ZNF385D: variants seen among roughly 807,000 people sequenced by gnomAD.
The protein encoded by ZNF385D is zinc finger protein 659.
In ZNF385D, 15 loss-of-function variants were observed where a neutral mutation model predicts 35.8. The ratio of observed to expected loss-of-function variants is 0.42; its 90% CI spans 0.28 to 0.64. The LOEUF (loss-of-function observed/expected upper bound fraction) is 0.64. Ranked by LOEUF, ZNF385D falls within the 30% of genes least tolerant of loss-of-function variation. ZNF385D has a pLI of 0.23. For synonymous variants in ZNF385D, 212 were observed against 186.8 expected, an observed-to-expected ratio of 1.13 and a Z score of -1.10; for missense variants, 474 against 494.6, an observed-to-expected ratio of 0.96 and a Z score of 0.39.
chr3:21,993,794 C>T (rs1695296544), intron 3 of ZNF385D, among the ~76,000 whole-genome samples: 1 of 152,048 alleles, frequency 6.6e-6, no homozygotes, highest in African/African-American at 2.4e-5. Context: ...CTGTCAAGAC[C>T]ACATATAGCG....
At chr3:22,272,365 T>G (rs1005279168) in intron 2 of ZNF385D, among the ~76,000 whole-genome samples, 14 of 151,698 alleles carry the variant, frequency 9.2e-5, no homozygotes, top group African/African-American at 3.1e-4. Flanking sequence ...ATTCTAAACT[T>G]AGAATTCTAA....
At chr3:21,745,983 G>C (rs971416163) in intron 1 of ZNF385D, among the ~76,000 whole-genome samples, 11 of 152,066 alleles carry the variant, frequency 7.2e-5, no homozygotes, top group Non-Finnish European at 1.3e-4. Flanking sequence ...AAAAGATCCA[G>C]GAATACATAA....
At chr3:22,017,192 C>G (rs1696946317) in intron 3 of ZNF385D, among the ~76,000 whole-genome samples, 1 of 152,074 alleles carries the variant, frequency 6.6e-6, no homozygotes, top group African/African-American at 2.4e-5. Flanking sequence ...AAACCCATTT[C>G]TCTTCTCTCA....
chr3:21,719,626 T>A (rs2068458033), intron 1 of ZNF385D, among the ~76,000 whole-genome samples: 1 of 152,196 alleles, frequency 6.6e-6, no homozygotes, highest in African/African-American at 2.4e-5. Context: ...ACTGCACTTG[T>A]GCACCCAGAG....
At chr3:21,960,850 C>T (rs937009235) in intron 3 of ZNF385D, among the ~76,000 whole-genome samples, 25 of 152,180 alleles carry the variant, frequency 1.6e-4, no homozygotes, top group African/African-American at 5.8e-4. Flanking sequence ...TGTATGTTCT[C>T]GCTCACATGT....
intron 3 of ZNF385D, among the ~76,000 whole-genome samples, chr3:21,897,510 C>G (rs922054709): frequency 6.6e-6 from 1 of 152,092 alleles, no homozygotes; most frequent in Admixed American, 6.6e-5. Context: ...TTTTCTACTT[C>G]CATTTCTCCT....
chr3:21,424,562 C>T (rs1361939737), intron 6 of ZNF385D, among the ~76,000 whole-genome samples: 1 of 150,932 alleles, frequency 6.6e-6, no homozygotes, highest in Non-Finnish European at 1.5e-5. Flanking sequence ...ATACACCTGC[C>T]TCAGCCTCCC....
At chr3:22,127,317 C>CCTTTTTTTT (rs1703492425) in intron 3 of ZNF385D, among the ~76,000 whole-genome samples, 10 of 56,334 alleles carry the variant, frequency 1.8e-4, no homozygotes, top group African/African-American at 7.1e-4. Flanking sequence ...TCATTTCCTG[C>CCTTTTTTTT]TTTTTTTTTT....
chr3:22,359,100 C>CAA (rs144020479), intron 2 of ZNF385D, among the ~76,000 whole-genome samples: 18 of 147,008 alleles, frequency 1.2e-4, no homozygotes, highest in African/African-American at 3.5e-4. Flanking sequence ...AAACAAGAAA[C>CAA]AAAAAAAACA....
intron 3 of ZNF385D, among the ~76,000 whole-genome samples, chr3:22,016,057 G>C (rs1260419999): frequency 6.6e-6 from 1 of 152,104 alleles, no homozygotes; most frequent in Non-Finnish European, 1.5e-5. Context: ...AAATTTGAGA[G>C]TTTACTTATT....
intron 1 of ZNF385D, among the ~76,000 whole-genome samples, chr3:21,689,783 C>T (rs1177650721): frequency 6.6e-6 from 1 of 151,832 alleles, no homozygotes; most frequent in African/African-American, 2.4e-5. Flanking sequence ...CTAAGAATTG[C>T]CCAGGCGATA....
chr3:22,232,156 T>C (rs1245487980), intron 2 of ZNF385D, among the ~76,000 whole-genome samples: 1 of 152,168 alleles, frequency 6.6e-6, no homozygotes, highest in Non-Finnish European at 1.5e-5. Context: ...CTCACTTTCT[T>C]GCGCTCATAT....
At chr3:21,462,405 ATG>A (rs1703234189) in intron 4 of ZNF385D, among the ~76,000 whole-genome samples, 1 of 152,174 alleles carries the variant, frequency 6.6e-6, no homozygotes, top group South Asian at 2.1e-4. Context: ...GGCATAAATG[ATG>A]TTACTTGCAA....
chr3:21,526,723 A>G (rs186309007), intron 3 of ZNF385D, among the ~76,000 whole-genome samples: 10 of 152,346 alleles, frequency 6.6e-5, no homozygotes, highest in Admixed American at 3.3e-4. Flanking sequence ...AGGACAATTT[A>G]ATGCTAATTC....
chr3:21,817,514 G>C (rs1342594221), intron 3 of ZNF385D, among the ~76,000 whole-genome samples: 1 of 152,146 alleles, frequency 6.6e-6, no homozygotes, highest in Non-Finnish European at 1.5e-5. Context: ...AGTGGGTGAA[G>C]GATATGAACA....
chr3:22,060,012 C>A (rs1246046744), intron 3 of ZNF385D, among the ~76,000 whole-genome samples: 3 of 152,194 alleles, frequency 2.0e-5, no homozygotes, highest in African/African-American at 7.2e-5. Context: ...GACATCTACT[C>A]TTTCTTGCCT....
intron 2 of ZNF385D, among the ~76,000 whole-genome samples, chr3:21,618,874 A>C (rs1436080612): frequency 6.6e-6 from 1 of 152,150 alleles, no homozygotes; most frequent in Non-Finnish European, 1.5e-5. Context: ...CTTATAGATA[A>C]CATCTCTGAC....
chr3:22,046,764 A>G (rs1251890915), intron 3 of ZNF385D, among the ~76,000 whole-genome samples: 1 of 152,156 alleles, frequency 6.6e-6, no homozygotes, highest in Non-Finnish European at 1.5e-5. Flanking sequence ...TTTGGAGCAG[A>G]TATTATATAC....
At chr3:21,689,966 A>G (rs1162151609) in intron 1 of ZNF385D, among the ~76,000 whole-genome samples, 3 of 152,090 alleles carry the variant, frequency 2.0e-5, no homozygotes, top group Non-Finnish European at 4.4e-5. Flanking sequence ...ACAACTCTTA[A>G]TGAGTGCAAG....
Sources: gnomAD v4.1 joint callset for allele counts (sites outside exome capture counted in the v4.1 genomes callset) on GRCh38, gnomAD v4.1.1 for gene constraint, MANE v1.5 for transcripts, NCBI Gene and HGNC (gene_info 2026-07-23, HGNC 2026-07-21) for gene names.